The following TXNRD2 variants were observed in gnomAD, a reference collection of about 807,000 sequenced individuals.
TXNRD2 encodes thioredoxin reductase 2, mitochondrial.
Under a neutral mutation model 70.8 loss-of-function variants are expected in TXNRD2, and 67 were observed. The ratio of observed to expected loss-of-function variants is 0.95; its 90% CI spans 0.78 to 1.16. The LOEUF (loss-of-function observed/expected upper bound fraction) is 1.16. TXNRD2 is among the 50% of genes most tolerant of loss of function. The pLI is 0.00. For synonymous variants in TXNRD2, 301 were observed against 295.8 expected, an observed-to-expected ratio of 1.02 and a Z score of -0.18; for missense variants, 644 against 719.9, an observed-to-expected ratio of 0.89 and a Z score of 1.21.
intron 8 of TXNRD2, among the ~76,000 whole-genome samples, chr22:19,901,600 C>T (rs774697999): frequency 3.3e-5 from 5 of 152,138 alleles, no homozygotes; most frequent in Non-Finnish European, 5.9e-5. Context: ...ATGCAGGATA[C>T]GAGAATTCCA....
Position 19,878,382 on chromosome 22 carries a change from G to T in TXNRD2, c.1331C>A (p.Ser444Tyr). The change falls in exon 15 of 18, where the codon TCC becomes TAC. Residue 444 changes from serine (S) to tyrosine (Y), a missense_variant. Around this residue, in one of 3 missense-constraint regions of TXNRD2, gnomAD observed 566 missense variants for 645.0 expected, o/e 0.88. Transcript: ENST00000400521. ...GATGCTCACCTTTACATAACACTGG[G>T]ATGCATCTCGTCCAGCCACCGTGAA... Reference protein sequence around the residue: ...LEFTVAGRDASQCYVKMVCLR... With the variant: ...LEFTVAGRDAYQCYVKMVCLR... The T allele has an allele frequency of 6.2e-7, 1 of 1,613,836 alleles. No homozygotes were observed. The highest frequency in any genetic ancestry group is 8.5e-7 in the Non-Finnish European group (1 of 1,180,034).
At chr22:19,903,261 G>C (rs1939858765) in intron 8 of TXNRD2, among the ~76,000 whole-genome samples, 1 of 152,246 alleles carries the variant, frequency 6.6e-6, no homozygotes, top group Non-Finnish European at 1.5e-5. Context: ...GGCAGACCCT[G>C]GTTGTTTCCG....
chr22:19,932,247 G>A (rs976277672), intron 1 of TXNRD2: 18 of 1,589,244 alleles, frequency 1.1e-5, no homozygotes, highest in Non-Finnish European at 1.5e-5. Flanking sequence ...GTCTTGGTGT[G>A]CCCAGCTGCA....
In TXNRD2 at chr22:19,919,572, A is replaced by G. The variant is rs1280010254; in HGVS notation, c.200T>C (p.Val67Ala). ...GGGAGAAGGTTCCACGTAGTCCACC[A>G]CGGCCACCTTCCTTCCCAGCTGGGC... ...EAAQLGRKVA[V>A]VDYVEPSPQG... The change falls in exon 3 of 18, where the codon GTG (valine) becomes GCG (alanine). Residue 67 changes from valine (V) to alanine (A), a missense_variant. This residue lies in a region of TXNRD2 where 566 missense variants were observed against 645.0 expected (regional missense o/e 0.88). Coordinates refer to ENST00000400521, the MANE Select transcript of TXNRD2 (RefSeq NM_006440.5). The G allele has an allele frequency of 2.6e-6, 4 of 1,564,156 alleles. No individual in the cohort carries two copies. Among genetic ancestry groups the G allele is most frequent in the African/African-American group, 1.4e-5 (1 of 73,614 alleles).
chr22:19,896,685 G>A (rs1279870966), intron 10 of TXNRD2, among the ~76,000 whole-genome samples: 1 of 152,252 alleles, frequency 6.6e-6, no homozygotes, highest in Non-Finnish European at 1.5e-5. Flanking sequence ...ATGGGGACTT[G>A]CACGGACCAG....
intron 14 of TXNRD2, among the ~76,000 whole-genome samples, chr22:19,879,330 G>A (rs1938649385): frequency 1.3e-5 from 2 of 152,178 alleles, no homozygotes; most frequent in Non-Finnish European, 2.9e-5. Context: ...GTGCCTGCAA[G>A]CTGCAGCGGC....
At chr22:19,902,057 C>T (rs927108786) in intron 8 of TXNRD2, among the ~76,000 whole-genome samples, 1 of 152,104 alleles carries the variant, frequency 6.6e-6, no homozygotes, top group Admixed American at 6.6e-5. Context: ...ATTACTGGGG[C>T]ATGGTGGTAT....
At chr22:19,922,666 G>C (rs1435274060) in intron 2 of TXNRD2, among the ~76,000 whole-genome samples, 1 of 152,084 alleles carries the variant, frequency 6.6e-6, no homozygotes, top group Non-Finnish European at 1.5e-5. Context: ...CACAGCTACA[G>C]ACTTTTGGTG....
At chr22:19,920,404 G>A (rs11089319) in intron 2 of TXNRD2, among the ~76,000 whole-genome samples, 22,187 of 151,972 alleles carry the variant, frequency 0.15, 1,805 homozygotes, top group Non-Finnish European at 0.19. Flanking sequence ...ATGGTAAAAC[G>A]TGTCTCCACT....
intron 1 of TXNRD2, chr22:19,932,331 T>C (rs746209923): frequency 5.5e-5 from 89 of 1,612,460 alleles, no homozygotes; most frequent in Non-Finnish European, 7.2e-5. Flanking sequence ...GGAATTCCTT[T>C]TGGGCTGGTT....
intron 17 of TXNRD2, chr22:19,876,032 C>G (rs1938490020): frequency 6.6e-6 from 1 of 152,268 alleles, no homozygotes; most frequent in Admixed American, 6.5e-5. Context: ...CAAAACAGCT[C>G]TGGGAGGTGT....
At chr22:19,909,601 TCA>T (rs753106245) in intron 8 of TXNRD2, among the ~76,000 whole-genome samples, 692 of 16,132 alleles carry the variant, frequency 0.043, 11 homozygotes, top group African/African-American at 0.15. Flanking sequence ...CACACACCAC[TCA>T]CACACACACA....
intron 2 of TXNRD2, 51 bp downstream of exon 2, chr22:19,930,979 A>C: frequency 1.4e-4 from 199 of 1,473,334 alleles, no homozygotes; most frequent in Non-Finnish European, 1.7e-4. Flanking sequence ...CACCCTCTCT[A>C]GGGGCCCTAA....
intron 14 of TXNRD2, among the ~76,000 whole-genome samples, chr22:19,879,571 G>A (rs543179641): frequency 1.4e-4 from 21 of 146,180 alleles, no homozygotes; most frequent in African/African-American, 5.2e-4. Flanking sequence ...GGGGGCTCTC[G>A]CCTGGGAGAA....
chr22:19,878,051 C>A, intron 16 of TXNRD2, 39 bp downstream of exon 16: 1 of 1,557,822 alleles, frequency 6.4e-7, no homozygotes, highest in Non-Finnish European at 8.8e-7. Context: ...GGATACCCAG[C>A]TGCACATCGC....
intron 1 of TXNRD2, 130 bp from the exon 2 acceptor site, chr22:19,931,228 A>G (rs939816416): frequency 1.2e-6 from 1 of 819,380 alleles, no homozygotes. Flanking sequence ...AACAGAGCAG[A>G]AAGAGTGACT....
intron 2 of TXNRD2, 38 bp from the exon 3 acceptor site, chr22:19,919,637 G>C (rs992290165): frequency 5.1e-5 from 78 of 1,518,824 alleles, no homozygotes; most frequent in Non-Finnish European, 6.2e-5. Context: ...AGCATGGGGA[G>C]CTGGCTCAGG....
At chr22:19,878,653 C>T (rs953769410) in intron 14 of TXNRD2, among the ~76,000 whole-genome samples, 3 of 152,254 alleles carry the variant, frequency 2.0e-5, no homozygotes, top group Admixed American at 1.3e-4. Context: ...TGGAGCCATG[C>T]TCTGCAGGAC....
At chr22:19,880,980 G>C in intron 12 of TXNRD2, 1 of 583,428 alleles carries the variant, frequency 1.7e-6, no homozygotes, top group Non-Finnish European at 3.0e-6. Context: ...GAGGCTGGCC[G>C]TGCCACCCTC....
Sources: allele counts gnomAD v4.1 joint callset (sites outside exome capture counted in the v4.1 genomes callset), GRCh38; gene constraint gnomAD v4.1.1; regional missense constraint gnomAD v4.1.1; transcripts MANE v1.5; gene names NCBI Gene and HGNC (gene_info 2026-07-23, HGNC 2026-07-21).